The following AJM1 variants were observed in gnomAD, a reference collection of about 807,000 sequenced individuals.
AJM1 encodes the protein apical junction component 1 homolog.
A neutral mutation model predicts 43.0 loss-of-function variants in AJM1; 22 were observed. The ratio of observed to expected loss-of-function variants is 0.51; its 90% CI spans 0.37 to 0.73. AJM1 has a LOEUF of 0.73. Among genes scored for constraint, AJM1 ranks in the 30% least tolerant of loss-of-function variants. The probability of loss-of-function intolerance (pLI) is 0.00; values close to 1 mark genes in which losing one functional copy is unlikely to be tolerated. For synonymous variants in AJM1, 719 were observed against 638.3 expected (o/e 1.13, Z -1.91); for missense variants, 1,305 against 1,343.3 (o/e 0.97, Z 0.45).
intron 2 of AJM1, 37 bp from the exon 3 acceptor site, chr9:136,844,319 T>A (rs1447110951): frequency 9.7e-7 from 1 of 1,027,408 alleles, no homozygotes; most frequent in Non-Finnish European, 1.5e-6. Context: ...GGGCCTGGGC[T>A]GCGGAGGGGG....
rs1442265524 is a variant in AJM1, at chr9:136,847,300, G to A, written c.2886G>A (p.Ala962=). ...CMIMAASEPR[A]LDWVASANLL... ...TCATGGCCGCCTCCGAGCCGCGCGC[G>A]CTCGACTGGGTGGCCAGCGCCAACC... The change falls in exon 3 of 3, where the codon GCG becomes GCA. Residue 962 remains alanine (A), a synonymous_variant. Transcript: ENST00000436881. The A allele has an allele frequency of 6.5e-7, 1 of 1,546,564 alleles. No homozygotes were observed.
Position 136,845,482 on chromosome 9 carries a change from C to CGGGCCCCGCTATGTCCCCGAG in AJM1, c.1070_1090dup (p.Gly357_Glu363dup). 1 of 1,606,698 alleles carries CGGGCCCCGCTATGTCCCCGAG rather than the reference C, an allele frequency of 6.2e-7. No individual in the cohort carries two copies. Among genetic ancestry groups the CGGGCCCCGCTATGTCCCCGAG allele is most frequent in the South Asian group, 1.1e-5 (1 of 90,288 alleles). ...CTCCACGAGCCTACGGCCTGCCCTA[C>CGGGCCCCGCTATGTCCCCGAG]GGGCCCCGCTATGTCCCCGAGGAGC... On this transcript the variant is annotated inframe_insertion, in exon 3 of 3. Transcript: ENST00000436881.
chr9:136,843,159 T>C (rs1848726366), intron 1 of AJM1, among the ~76,000 whole-genome samples: 1 of 152,094 alleles, frequency 6.6e-6, no homozygotes, highest in South Asian at 2.1e-4. Context: ...CCACCTGAGG[T>C]TCTGCCCTGC....
In AJM1 at chr9:136,848,031, A is replaced by G. The variant is rs1848805903; in HGVS notation, c.*686A>G. On this transcript the variant is annotated 3_prime_UTR_variant, in exon 3 of 3. Transcript: ENST00000436881. ...CGTTCCCGCTGGTCGGAGCCAGCAC[A>G]CTAACCACGCCACGCGCCCTGCCGT... 6.6e-6 allele frequency: 1 copy of G among 152,310 alleles called. No homozygotes were observed. Among genetic ancestry groups the G allele is most frequent in the Non-Finnish European group, 1.5e-5 (1 of 68,096 alleles). The allele number at this position is 152,310 out of a possible 1,614,324, so 9.4% of individuals were successfully genotyped here. A position where few individuals can be genotyped will look rare whatever the true frequency, so the allele number is the denominator to read the frequency against.
chr9:136,847,451 C>A lies in AJM1; in HGVS notation c.*106C>A. 2 of 891,800 alleles carry A rather than the reference C, an allele frequency of 2.2e-6. No individual in the cohort carries two copies. The highest frequency in any genetic ancestry group is 1.8e-5 in the African/African-American group (1 of 56,022). The allele number at this position is 891,800 out of a possible 1,614,324, so 55.2% of individuals were successfully genotyped here. ...GGCCGCCCCCGAGCCCCGCCAGGGC[C>A]CCACCCCGACTTCTTCTAGGCCCCG... On this transcript the variant is annotated 3_prime_UTR_variant, in exon 3 of 3. Coordinates refer to ENST00000436881, the MANE Select transcript of AJM1 (RefSeq NM_001080482.5).
In AJM1 at chr9:136,844,719, G is replaced by A; in HGVS notation, c.305G>A (p.Gly102Asp). 1 of 862,788 alleles carries A rather than the reference G, an allele frequency of 1.2e-6. No homozygotes were observed. The highest frequency in any genetic ancestry group is 1.5e-6 in the Non-Finnish European group (1 of 680,260). 53.4% of individuals were successfully genotyped at this position (862,788 alleles called of 1,614,324 possible). A position where few individuals can be genotyped will look rare whatever the true frequency, so the allele number is the denominator to read the frequency against. Residue 102 changes from glycine (G) to aspartate (D), a missense_variant, in exon 3 of 3, where the codon GGC becomes GAC. Coordinates refer to ENST00000436881, the MANE Select transcript of AJM1 (RefSeq NM_001080482.5). ...AAGAGTGCGCCCCGCGCGCCCCCGG[G>A]CCTGACGCCCGCGCCCGCCTCGCCG... is the stretch of plus-strand genomic sequence containing the variant. ...RSKSAPRAPP[G>D]LTPAPASPPV...
chr9:136,846,568 G>T lies in AJM1; in HGVS notation c.2154G>T (p.Val718=). Residue 718 remains valine, a synonymous_variant, in exon 3 of 3, where the codon GTG becomes GTT. Transcript: ENST00000436881. ...ARCVYGRVGS[V]CRHVLQFCRD... ...GCGTGTACGGCCGCGTGGGCAGCGT[G>T]TGCCGCCACGTACTGCAGTTTTGCC... 6.3e-7 allele frequency: 1 copy of T among 1,592,818 alleles called. No homozygotes were observed. The highest frequency in any genetic ancestry group is 1.1e-5 in the South Asian group (1 of 90,758).
Position 136,845,462 on chromosome 9 carries a change from C to G in AJM1, c.1048C>G (p.Arg350Gly). The G allele has an allele frequency of 6.2e-7, 1 of 1,609,126 alleles. No homozygotes were observed. The highest frequency in any genetic ancestry group is 8.5e-7 in the Non-Finnish European group (1 of 1,178,626). The change falls in exon 3 of 3, where the codon CGA becomes GGA. Residue 350 changes from arginine to glycine, a missense_variant. By Grantham distance (125) the Arg-to-Gly change is moderately radical. Around this residue, in one of 6 missense-constraint regions of AJM1, gnomAD observed 653 missense variants for 549.1 expected, o/e 1.19. Coordinates refer to ENST00000436881, the MANE Select transcript of AJM1 (RefSeq NM_001080482.5). ...PSRSYYGEAP[R>G]AYGLPYGPRY... ...CCGCTCCTACTATGGGGAGGCTCCA[C>G]GAGCCTACGGCCTGCCCTACGGGCC...
At position 136,847,088 on chromosome 9, in the gene AJM1, C is replaced by T. The variant is rs770750717; in HGVS notation, c.2674C>T (p.Arg892Trp). The T allele has an allele frequency of 6.7e-7, 1 of 1,486,498 alleles. No individual in the cohort carries two copies. Among genetic ancestry groups the T allele is most frequent in the South Asian group, 1.2e-5 (1 of 81,322 alleles). The allele number at this position is 1,486,498 out of a possible 1,614,324, so 92.1% of individuals were successfully genotyped here. Residue 892 changes from arginine to tryptophan, a missense_variant, in exon 3 of 3, where the codon CGG becomes TGG. Arg to Trp is a moderately radical substitution (Grantham distance 101). Coordinates refer to ENST00000436881, the MANE Select transcript of AJM1 (RefSeq NM_001080482.5). ...CCTGGATCAGGACGGCGAGGCGGGC[C>T]GGCGCGCGCGCGAGGTGGCCTTCAT... ...AGLDQDGEAG[R>W]RAREVAFIHI...
In AJM1 at chr9:136,847,441, C is replaced by T; in HGVS notation, c.*96C>T. The stretch of plus-strand genomic sequence containing the variant: ...GCCCACCCAGGGCCGCCCCCGAGCC[C>T]CGCCAGGGCCCCACCCCGACTTCTT... On this transcript the variant is annotated 3_prime_UTR_variant, in exon 3 of 3. Transcript: ENST00000436881. 1.0e-6 allele frequency: 1 copy of T among 993,912 alleles called. No homozygotes were observed. Among genetic ancestry groups the T allele is most frequent in the Non-Finnish European group, 1.4e-6 (1 of 725,974 alleles). 61.6% of individuals were successfully genotyped at this position (993,912 alleles called of 1,614,324 possible).
chr9:136,848,278 G>C lies in AJM1; in HGVS notation c.*933G>C, dbSNP rs938624526. On this transcript the variant is annotated 3_prime_UTR_variant, in exon 3 of 3. Transcript: ENST00000436881. ...GAGCCTGGAGGGCAAAGCGTGGTGC[G>C]AGCAGGTGAGGGAGAGAGCTAGTTG... 6.5e-6 allele frequency: 1 copy of C among 152,776 alleles called. No homozygotes were observed. Among genetic ancestry groups the C allele is most frequent in the Non-Finnish European group, 1.5e-5 (1 of 68,462 alleles). 9.5% of individuals were successfully genotyped at this position (152,776 alleles called of 1,614,324 possible).
At position 136,846,153 on chromosome 9, in the gene AJM1, T is replaced by C; in HGVS notation, c.1739T>C (p.Leu580Pro). ...GGCCGCCAGCGGAGCCTAGAGCAGC[T>C]GGACGAGCTCATCACGGACCTGGTC... Reference protein sequence around the residue: ...TSGRQRSLEQLDELITDLVID... With the variant: ...TSGRQRSLEQPDELITDLVID... The change falls in exon 3 of 3, where the codon CTG becomes CCG. Residue 580 changes from leucine to proline, a missense_variant. Leu to Pro is a moderately conservative substitution (Grantham distance 98, BLOSUM62 -3). Transcript: ENST00000436881. 2 of 1,527,690 alleles carry C rather than the reference T, an allele frequency of 1.3e-6. No homozygotes were observed. Among genetic ancestry groups the C allele is most frequent in the Non-Finnish European group, 8.7e-7 (1 of 1,143,380 alleles). 94.6% of individuals were successfully genotyped at this position (1,527,690 alleles called of 1,614,324 possible). A position where few individuals can be genotyped will look rare whatever the true frequency, so the allele number is the denominator to read the frequency against.
At position 136,844,937 on chromosome 9, in the gene AJM1, G is replaced by A. The variant is rs189172711; in HGVS notation, c.523G>A (p.Glu175Lys). The change falls in exon 3 of 3, where the codon GAG (glutamate) becomes AAG (lysine). Residue 175 changes from glutamate to lysine, a missense_variant. This residue lies in a region of AJM1 where 653 missense variants were observed against 549.1 expected (regional missense o/e 1.19). Transcript: ENST00000436881. ...CAAAGRCAPPEPPAGPAPHVR... is the reference protein window; with the variant it reads ...CAAAGRCAPPKPPAGPAPHVR... ...CGCCGCGGGCCGCTGCGCACCGCCC[G>A]AGCCACCCGCGGGTCCCGCCCCCCA... 4.6e-5 allele frequency: 20 copies of A among 435,524 alleles called. No individual in the cohort carries two copies. The highest frequency in any genetic ancestry group is 3.4e-4 in the African/African-American group (16 of 47,650). The allele number at this position is 435,524 out of a possible 1,614,324, so 27.0% of individuals were successfully genotyped here. A position where few individuals can be genotyped will look rare whatever the true frequency, so the allele number is the denominator to read the frequency against.
rs1435348884 is a variant in AJM1, at chr9:136,844,672, G to A, written c.258G>A (p.Glu86=). ...CGCGCGCCCGGACCCGCGAAGCCGA[G>A]CCACGCCGCCGCGCCCGCTCCAAGA... ...AVPRARTREA[E]PRRRARSKSA... is the part of the protein sequence containing the mutation. The change falls in exon 3 of 3, where the codon GAG becomes GAA. Residue 86 remains glutamate, a synonymous_variant. Transcript: ENST00000436881. The A allele has an allele frequency of 1.7e-5, 24 of 1,423,410 alleles. No individual in the cohort carries two copies. The highest frequency in any genetic ancestry group is 2.1e-5 in the Non-Finnish European group (23 of 1,080,810). 88.2% of individuals were successfully genotyped at this position (1,423,410 alleles called of 1,614,324 possible). A position where few individuals can be genotyped will look rare whatever the true frequency, so the allele number is the denominator to read the frequency against.
rs1231671771 is a variant in AJM1 at position 136,847,066 on chromosome 9, G to A, written c.2652G>A (p.Leu884=). The A allele has an allele frequency of 1.4e-6, 2 of 1,430,030 alleles. No homozygotes were observed. The highest frequency in any genetic ancestry group is 1.5e-5 in the African/African-American group (1 of 67,382). The allele number at this position is 1,430,030 out of a possible 1,614,324, so 88.6% of individuals were successfully genotyped here. ...CGCCACCGCCGGGCACGGCGGGCCTGGATCAGGACGGCGAGGCGGGCCGGC... is the reference window on the plus strand; with the variant it reads ...CGCCACCGCCGGGCACGGCGGGCCTAGATCAGGACGGCGAGGCGGGCCGGC... ...ILTPPPGTAG[L]DQDGEAGRRA... is the part of the protein sequence containing the mutation. The change falls in exon 3 of 3, where the codon CTG becomes CTA. Residue 884 remains leucine (L), a synonymous_variant. Transcript: ENST00000436881.
chr9:136,847,375 C>G lies in AJM1; in HGVS notation c.*30C>G, dbSNP rs567049711. 3.4e-6 allele frequency: 5 copies of G among 1,455,904 alleles called. No homozygotes were observed. Among genetic ancestry groups the G allele is most frequent in the Middle Eastern group, 2.0e-4 (1 of 4,968 alleles). The allele number at this position is 1,455,904 out of a possible 1,614,324, so 90.2% of individuals were successfully genotyped here. A position where few individuals can be genotyped will look rare whatever the true frequency, so the allele number is the denominator to read the frequency against. ...CCGGGCCCACCAGGCCTAGCCCAGG[C>G]GCTGGCCCGAACCCTGCCCTGCCCA... On this transcript the variant is annotated 3_prime_UTR_variant, in exon 3 of 3. Coordinates refer to ENST00000436881, the MANE Select transcript of AJM1 (RefSeq NM_001080482.5).
In AJM1 at chr9:136,846,742, CCCCA is replaced by C. The variant is rs1564378964; in HGVS notation, c.2331_2334del (p.Leu780ArgfsTer70). On this transcript the variant is annotated frameshift_variant, in exon 3 of 3. Transcript: ENST00000436881. LOFTEE classifies it high-confidence loss of function. ...TTGGCCTGGAGGGGCTGCTGCTATCCCCCACCTACCTATCGCTGCGTGAGCTGGC... is the reference window on the plus strand; with the variant it reads ...TTGGCCTGGAGGGGCTGCTGCTATCCCCTACCTATCGCTGCGTGAGCTGGC... 1 of 1,601,544 alleles carries C rather than the reference CCCCA, an allele frequency of 6.2e-7. No individual in the cohort carries two copies. The highest frequency in any genetic ancestry group is 8.5e-7 in the Non-Finnish European group (1 of 1,177,550).
rs1436941400 is a variant in AJM1, at chr9:136,845,332, C to T, written c.918C>T (p.Tyr306=). ...ASPGPTFDAY[Y]PRPYPSEELS... ...CCGGCCCAACCTTCGACGCCTACTA[C>T]CCCAGGCCCTATCCGTCCGAGGAGC... Residue 306 remains tyrosine, a synonymous_variant, in exon 3 of 3, where the codon TAC becomes TAT. Coordinates refer to ENST00000436881, the MANE Select transcript of AJM1 (RefSeq NM_001080482.5). The T allele has an allele frequency of 1.2e-6, 2 of 1,612,342 alleles. No individual in the cohort carries two copies. Among genetic ancestry groups the T allele is most frequent in the Non-Finnish European group, 1.7e-6 (2 of 1,179,824 alleles).
Position 136,847,002 on chromosome 9 carries a change from C to T in AJM1, c.2588C>T (p.Ala863Val). 1 of 1,226,004 alleles carries T rather than the reference C, an allele frequency of 8.2e-7. No homozygotes were observed. The allele number at this position is 1,226,004 out of a possible 1,614,324, so 75.9% of individuals were successfully genotyped here. A position where few individuals can be genotyped will look rare whatever the true frequency, so the allele number is the denominator to read the frequency against. Residue 863 changes from alanine to valine, a missense_variant, in exon 3 of 3, where the codon GCG (alanine) becomes GTG (valine). Physicochemically the swap from Ala to Val is moderately conservative, Grantham distance 64. This residue lies in a region of AJM1 where 391 missense variants were observed against 507.5 expected (regional missense o/e 0.77). Transcript: ENST00000436881. ...GGCAGCCCCGCGCGGCCGCCCCCGG[C>T]GCGGAGCCGCGAGCCCGACATGGAG... ...AAGSPARPPP[A>V]RSREPDMETL...
Sources: allele counts gnomAD v4.1 joint callset (sites outside exome capture counted in the v4.1 genomes callset), GRCh38; gene constraint gnomAD v4.1.1; regional missense constraint gnomAD v4.1.1; transcripts MANE v1.5; gene names NCBI Gene and HGNC (gene_info 2026-07-23, HGNC 2026-07-21).